Variants in CNOT1 observed in about 807,000 individuals in gnomAD.
CNOT1 encodes CCR4-NOT transcription complex subunit 1, also known as CCR4-associated factor 1.
Under a neutral mutation model 273.8 loss-of-function variants are expected in CNOT1, and 15 were observed. That is an observed-to-expected ratio of 0.05 (90% confidence interval 0.04 to 0.08). CNOT1 has a LOEUF of 0.08. CNOT1 is among the 10% of genes least tolerant of loss of function. The probability of loss-of-function intolerance (pLI) is 1.00; values close to 1 mark genes in which losing one functional copy is unlikely to be tolerated. For missense variants in CNOT1, 1,644 were observed against 2,912.2 expected, an observed-to-expected ratio of 0.56 and a Z score of 10.02; for synonymous variants, 1,022 against 1,005.5, an observed-to-expected ratio of 1.02 and a Z score of -0.31.
intron 37 of CNOT1, 22 bp from the exon 38 acceptor site, chr16:58,538,082 TG>T: frequency 6.2e-7 from 1 of 1,614,164 alleles, no homozygotes; most frequent in Non-Finnish European, 8.5e-7. Flanking sequence ...GAAAACATAA[TG>T]TGAGAGGGAA....
chr16:58,551,841 A>G (rs779883646), intron 22 of CNOT1, 22 bp from the exon 23 acceptor site: 6 of 1,611,840 alleles, frequency 3.7e-6, no homozygotes, highest in Non-Finnish European at 5.1e-6. Context: ...GGGAGAGGAA[A>G]AAGAGTTAAC....
chr16:58,542,545 T>C lies in CNOT1; in HGVS notation c.4458A>G (p.Glu1486=). The C allele has an allele frequency of 6.3e-7, 1 of 1,597,804 alleles. No homozygotes were observed. The change falls in exon 32 of 49, where the codon GAA becomes GAG. Residue 1486 remains glutamate, a synonymous_variant. Coordinates refer to ENST00000317147, the MANE Select transcript of CNOT1 (RefSeq NM_016284.5). ...ALRTASPQQR[E]MMDQAAAQLA... is the part of the protein sequence containing the mutation. Reference sequence around the variant, plus strand: ...ATTGAGCAGCTGCCTGATCCATCATTTCTCTTTGTTGTGGGGAAGCAGTCT... The same window carrying C: ...ATTGAGCAGCTGCCTGATCCATCATCTCTCTTTGTTGTGGGGAAGCAGTCT...
chr16:58,542,414 T>G lies in CNOT1; in HGVS notation c.4575+14A>C, dbSNP rs773588190. On this transcript the variant is annotated intron_variant, in intron 32 of 48. Transcript: ENST00000317147. ...AAAAAAGAAAATCTTAAAAGGCAAA[T>G]TCTAAACACTTACAGTTGCTAATCT... The G allele has an allele frequency of 6.2e-7, 1 of 1,613,750 alleles. No individual in the cohort carries two copies. Among genetic ancestry groups the G allele is most frequent in the South Asian group, 1.1e-5 (1 of 91,050 alleles).
intron 13 of CNOT1, 66 bp from the exon 14 acceptor site, chr16:58,576,648 GC>G: frequency 6.3e-7 from 1 of 1,595,964 alleles, no homozygotes; most frequent in Non-Finnish European, 8.6e-7. Flanking sequence ...TATTACAAAT[GC>G]CCAGTTAATT....
rs775226649 is a variant in CNOT1 at position 58,623,991 on chromosome 16, CA to C, written c.-175+5736del. ...GGTGACAGAGCCAAGACTCCGGCTC[CA>C]AAAAAAAAAAACCCTAAGTATTTCC... is the stretch of plus-strand genomic sequence containing the variant. On this transcript the variant is annotated intron_variant, in intron 1 of 48. Transcript: ENST00000317147. Among the ~76,000 whole-genome samples, 942 of 137,490 alleles carry C rather than the reference CA, an allele frequency of 6.9e-3. 5 individuals are homozygous for C. Among genetic ancestry groups the C allele is most frequent in the Admixed American group, 0.01 (142 of 13,674 alleles). The allele number at this position is 137,490 out of a possible 152,430, so 90.2% of individuals were successfully genotyped here.
chr16:58,526,203 T>C, intron 44 of CNOT1, 65 bp from the exon 45 acceptor site: 1 of 1,571,830 alleles, frequency 6.4e-7, no homozygotes, highest in Non-Finnish European at 8.7e-7. Context: ...ACATCTATGC[T>C]TAAGTGGTGG....
chr16:58,549,725 G>A lies in CNOT1; in HGVS notation c.3516C>T (p.Asn1172=), dbSNP rs1215296525. The A allele has an allele frequency of 6.3e-7, 1 of 1,597,198 alleles. No homozygotes were observed. The highest frequency in any genetic ancestry group is 1.2e-5 in the South Asian group (1 of 86,904). The change falls in exon 25 of 49, where the codon AAC becomes AAT. Residue 1172 remains asparagine (N), a synonymous_variant. Coordinates refer to ENST00000317147, the MANE Select transcript of CNOT1 (RefSeq NM_016284.5). Reference sequence around the variant, plus strand: ...TATAAGAACCAACTCTTACTTTAATGTTTCTGTAGGTCTCATTCAGAACCA... The same window carrying A: ...TATAAGAACCAACTCTTACTTTAATATTTCTGTAGGTCTCATTCAGAACCA... ...NKMVLNETYR[N]IKVLLTSDKA...
chr16:58,578,995 A>T, intron 12 of CNOT1, 56 bp from the exon 13 acceptor site: 3 of 1,579,422 alleles, frequency 1.9e-6, no homozygotes, highest in Non-Finnish European at 2.6e-6. Flanking sequence ...ATACAGATTA[A>T]TTTTCAAAAT....
intron 47 of CNOT1, chr16:58,523,166 A>C (rs982725141): frequency 1.1e-5 from 4 of 369,510 alleles, no homozygotes; most frequent in Non-Finnish European, 1.9e-5. Flanking sequence ...AATCGCTTGA[A>C]CCTGGGAGGC....
intron 16 of CNOT1, among the ~76,000 whole-genome samples, chr16:58,564,340 C>T (rs2040963087): frequency 7.1e-6 from 1 of 140,956 alleles, no homozygotes; most frequent in Non-Finnish European, 1.6e-5. Flanking sequence ...AACAAACAAA[C>T]CACTAAATTA....
At chr16:58,596,755 G>A (rs1390594104) in intron 2 of CNOT1, among the ~76,000 whole-genome samples, 1 of 151,922 alleles carries the variant, frequency 6.6e-6, no homozygotes, top group Non-Finnish European at 1.5e-5. Flanking sequence ...GGGTGTGGTG[G>A]CGAGCGACTG....
chr16:58,598,621 C>A (rs551309260), intron 2 of CNOT1, among the ~76,000 whole-genome samples: 1 of 150,412 alleles, frequency 6.6e-6, no homozygotes, highest in African/African-American at 2.4e-5. Context: ...CGAGCCTGGG[C>A]GACTCTGTCT....
chr16:58,583,243 T>G, intron 8 of CNOT1, 61 bp from the exon 9 acceptor site: 1 of 1,592,522 alleles, frequency 6.3e-7, no homozygotes, highest in Non-Finnish European at 8.5e-7. Flanking sequence ...ATTGAGAAAT[T>G]CTGGCATTAA....
intron 31 of CNOT1, 138 bp downstream of exon 31, chr16:58,543,469 G>C: frequency 6.6e-7 from 1 of 1,504,222 alleles, no homozygotes; most frequent in Non-Finnish European, 8.9e-7. Flanking sequence ...AATCTAAAAT[G>C]ATGGAAGACA....
intron 44 of CNOT1, 57 bp from the exon 45 acceptor site, chr16:58,526,195 A>G (rs2039574323): frequency 6.3e-7 from 1 of 1,592,102 alleles, no homozygotes; most frequent in Non-Finnish European, 8.6e-7. Flanking sequence ...AGTAAATTAC[A>G]TCTATGCTTA....
chr16:58,556,200 T>C (rs1182284727), intron 19 of CNOT1, among the ~76,000 whole-genome samples: 2 of 152,238 alleles, frequency 1.3e-5, no homozygotes, highest in African/African-American at 2.4e-5. Flanking sequence ...TACAACCTCA[T>C]TAGGTTAACA....
intron 12 of CNOT1, among the ~76,000 whole-genome samples, chr16:58,579,528 T>C (rs1283972177): frequency 2.0e-5 from 3 of 152,070 alleles, no homozygotes; most frequent in Non-Finnish European, 4.4e-5. Context: ...CTATATACAC[T>C]AGACTCATAA....
At chr16:58,591,074 G>A (rs760431573) in intron 2 of CNOT1, among the ~76,000 whole-genome samples, 2 of 152,190 alleles carry the variant, frequency 1.3e-5, no homozygotes, top group Non-Finnish European at 2.9e-5. Flanking sequence ...TGAGACCTGT[G>A]AGCTGAGACA....
At chr16:58,546,644 T>G in intron 28 of CNOT1, 28 bp downstream of exon 28, 1 of 1,613,764 alleles carries the variant, frequency 6.2e-7, no homozygotes, top group South Asian at 1.1e-5. Context: ...CAAAGAATGT[T>G]CCAGAGGACA....
Sources: allele counts gnomAD v4.1 joint callset (sites outside exome capture counted in the v4.1 genomes callset), GRCh38; gene constraint gnomAD v4.1.1; transcripts MANE v1.5; gene names NCBI Gene and HGNC (gene_info 2026-07-23, HGNC 2026-07-21).